NKD1: variants seen among roughly 807,000 people sequenced by gnomAD.
NKD1 encodes protein naked cuticle homolog 1.
NKD1 carries 21 observed loss-of-function variants against 56.0 expected under a neutral mutation model. That is an observed-to-expected ratio of 0.38 (90% confidence interval 0.27 to 0.54). The LOEUF (loss-of-function observed/expected upper bound fraction) is 0.54. NKD1 is among the 20% of genes least tolerant of loss of function. NKD1 has a pLI of 0.82. For synonymous variants in NKD1, 263 were observed against 265.7 expected, an observed-to-expected ratio of 0.99 and a Z score of 0.10; for missense variants, 578 against 642.7, an observed-to-expected ratio of 0.90 and a Z score of 1.09.
intron 3 of NKD1, chr16:50,566,252 A>G (rs1440299844): frequency 1.2e-6 from 1 of 866,180 alleles, no homozygotes. Context: ...CTTCAGTTAC[A>G]GCTGGATCCA....
chr16:50,580,725 A>G, intron 3 of NKD1, among the ~76,000 whole-genome samples: 1 of 152,250 alleles, frequency 6.6e-6, no homozygotes, highest in East Asian at 1.9e-4. Context: ...CTTTTTAAAA[A>G]TTGGAAAAGC....
intron 7 of NKD1, 44 bp downstream of exon 7, chr16:50,630,377 C>A: frequency 6.2e-7 from 1 of 1,606,736 alleles, no homozygotes; most frequent in Non-Finnish European, 8.5e-7. Flanking sequence ...GTCCTCCCAT[C>A]TCAGGAAGGA....
chr16:50,551,829 C>T (rs1043048573), intron 3 of NKD1: 1 of 151,976 alleles, frequency 6.6e-6, no homozygotes. Flanking sequence ...ACGTGAAGTC[C>T]ATTCAGAGAA....
intron 3 of NKD1, among the ~76,000 whole-genome samples, chr16:50,602,666 C>T (rs1567345893): frequency 6.6e-6 from 1 of 152,240 alleles, no homozygotes; most frequent in African/African-American, 2.4e-5. Context: ...CATGTTCACC[C>T]ACACGGGGAC....
intron 3 of NKD1, among the ~76,000 whole-genome samples, chr16:50,588,309 T>A (rs1485828027): frequency 6.6e-6 from 1 of 152,280 alleles, no homozygotes; most frequent in Non-Finnish European, 1.5e-5. Context: ...AAGTTTAGAA[T>A]GACAGGTCAC....
chr16:50,581,233 C>T (rs1961109306), intron 3 of NKD1, among the ~76,000 whole-genome samples: 2 of 152,166 alleles, frequency 1.3e-5, no homozygotes, highest in South Asian at 4.1e-4. Flanking sequence ...AGATTCTTTG[C>T]AAAATTAGTG....
chr16:50,610,942 TG>T (rs1961832839), intron 4 of NKD1, among the ~76,000 whole-genome samples: 1 of 151,996 alleles, frequency 6.6e-6, no homozygotes, highest in Admixed American at 6.5e-5. Flanking sequence ...GAGGCTTTCG[TG>T]GGGAGAAGGG....
At chr16:50,625,181 A>G (rs898943150) in intron 5 of NKD1, 5 of 419,460 alleles carry the variant, frequency 1.2e-5, no homozygotes, top group African/African-American at 1.0e-4. Context: ...GTCCAAGTTC[A>G]GCTTTTCTGA....
chr16:50,549,759 G>C (rs934588879), intron 3 of NKD1, among the ~76,000 whole-genome samples: 1 of 152,172 alleles, frequency 6.6e-6, no homozygotes, highest in Non-Finnish European at 1.5e-5. Context: ...GGAGGCAGAG[G>C]GCTGCCTGGG....
intron 6 of NKD1, among the ~76,000 whole-genome samples, chr16:50,628,956 C>CTTTTTTTTT (rs5816708): frequency 7.3e-6 from 1 of 137,510 alleles, no homozygotes. Context: ...GTGTCTCTTC[C>CTTTTTTTTT]TTTTTTTTTT....
In NKD1 at chr16:50,637,609, G is replaced by C. The variant is rs916335814; in HGVS notation, c.*3828G>C. On this transcript the variant is annotated 3_prime_UTR_variant, in exon 10 of 10. Transcript: ENST00000268459. The stretch of plus-strand genomic sequence containing the variant: ...TATACTGAATAATGAGGAATCAAAG[G>C]AAGAAGAAGAAAGAGAGAGGAAGGA... 1.3e-5 allele frequency: 2 copies of C among 152,176 alleles called. No individual in the cohort carries two copies. Among genetic ancestry groups the C allele is most frequent in the African/African-American group, 4.8e-5 (2 of 41,410 alleles). 9.4% of individuals were successfully genotyped at this position (152,176 alleles called of 1,614,324 possible).
rs1379209003 is a variant in NKD1, at chr16:50,608,073, C to T, written c.193-221C>T. ...GATGGAAGACCCAGTGGAGCCATAG[C>T]CTGTGGTGGCCTGAATGTTGTGCTG... On this transcript the variant is annotated intron_variant, in intron 3 of 9. Transcript: ENST00000268459. The T allele has an allele frequency of 7.2e-6, 4 of 551,734 alleles. No homozygotes were observed. In the African/African-American group the frequency reaches 7.6e-5, roughly 10 times the overall value. 34.2% of individuals were successfully genotyped at this position (551,734 alleles called of 1,614,324 possible).
chr16:50,574,068 T>A (rs1453899146), intron 3 of NKD1: 1 of 837,938 alleles, frequency 1.2e-6, no homozygotes, highest in Non-Finnish European at 1.4e-6. Context: ...ACTCCCGTTT[T>A]ACAGATGGTA....
intron 3 of NKD1, among the ~76,000 whole-genome samples, chr16:50,586,827 C>G (rs921581515): frequency 6.6e-6 from 1 of 152,238 alleles, no homozygotes; most frequent in African/African-American, 2.4e-5. Flanking sequence ...TGTTGGACAA[C>G]TCTAGCTCCT....
rs1367659535 is a variant in NKD1, at chr16:50,630,913, A to G, written c.695+3A>G. 6.3e-7 allele frequency: 1 copy of G among 1,576,438 alleles called. No homozygotes were observed. Among genetic ancestry groups the G allele is most frequent in the Non-Finnish European group, 8.6e-7 (1 of 1,160,042 alleles). ...AAGAAGCAGCGAGCCCCGCTCAGGT[A>G]TGTGGGCATGGTGCACATGAGCATA... On this transcript the variant is annotated splice_donor_region_variant and intron_variant, in intron 8 of 9. Transcript: ENST00000268459.
intron 3 of NKD1, chr16:50,553,882 A>C (rs1769642727): frequency 6.6e-6 from 1 of 152,542 alleles, no homozygotes; most frequent in African/African-American, 2.4e-5. Context: ...CAGCCTGGGC[A>C]CTGTCTTTCC....
chr16:50,608,021 T>C (rs1238590602), intron 3 of NKD1: 1 of 443,722 alleles, frequency 2.3e-6, no homozygotes, highest in Non-Finnish European at 4.1e-6. Flanking sequence ...CCGGAAGGCA[T>C]GTGTGTTGGT....
At position 50,635,452 on chromosome 16, in the gene NKD1, A is replaced by G. The variant is rs1191712056; in HGVS notation, c.*1671A>G. ...GTGAATCTAGGGAGACTCAAGAGGGAGAAGTGACTCCAGCTACCTTCCTTT... is the reference window on the plus strand; with the variant it reads ...GTGAATCTAGGGAGACTCAAGAGGGGGAAGTGACTCCAGCTACCTTCCTTT... On this transcript the variant is annotated 3_prime_UTR_variant, in exon 10 of 10. Coordinates refer to ENST00000268459, the MANE Select transcript of NKD1 (RefSeq NM_033119.5). This position sits in a 1 kb window ranked among gnomAD's most constrained non-coding sequence, Gnocchi z 4.1. The G allele has an allele frequency of 6.6e-6, 1 of 152,204 alleles. No homozygotes were observed. The highest frequency in any genetic ancestry group is 1.5e-5 in the Non-Finnish European group (1 of 68,036). 9.4% of individuals were successfully genotyped at this position (152,204 alleles called of 1,614,324 possible). A position where few individuals can be genotyped will look rare whatever the true frequency, so the allele number is the denominator to read the frequency against.
At chr16:50,609,042 C>T (rs1266630925) in intron 4 of NKD1, among the ~76,000 whole-genome samples, 1 of 152,242 alleles carries the variant, frequency 6.6e-6, no homozygotes, top group Non-Finnish European at 1.5e-5. Context: ...CCAGACTGGT[C>T]TTGAACTTCT....
Sources: gnomAD v4.1 joint callset for allele counts (sites outside exome capture counted in the v4.1 genomes callset) on GRCh38, gnomAD v4.1.1 for gene constraint, Gnocchi (gnomAD v3.1) non-coding constraint, MANE v1.5 for transcripts, NCBI Gene and HGNC (gene_info 2026-07-23, HGNC 2026-07-21) for gene names.